Variants in PGCKA1 observed in about 807,000 individuals in gnomAD.
PGCKA1 encodes the protein PDCD10 and GCKIII kinases-associated protein 1.
the PGCKA1 span, among the ~76,000 whole-genome samples, chr4:37,561,992 G>A: frequency 5.9e-5 from 9 of 152,128 alleles, no homozygotes; most frequent in East Asian, 1.9e-4. Context: ...TAGACAACAC[G>A]TCAGCACTAT....
At chr4:37,575,413 T>C in the PGCKA1 span, among the ~76,000 whole-genome samples, 1 of 152,202 alleles carries the variant, frequency 6.6e-6, no homozygotes, top group Admixed American at 6.5e-5. Flanking sequence ...AAATATCTAT[T>C]CAGATATTTT....
chr4:37,533,019 T>C, the PGCKA1 span, among the ~76,000 whole-genome samples: 1 of 152,218 alleles, frequency 6.6e-6, no homozygotes, highest in South Asian at 2.1e-4. Context: ...CAGTGTGTAC[T>C]GCTTTGATGA....
chr4:37,466,812 T>C, the PGCKA1 span, among the ~76,000 whole-genome samples: 1 of 152,286 alleles, frequency 6.6e-6, no homozygotes, highest in Non-Finnish European at 1.5e-5. Flanking sequence ...ATATACAATA[T>C]GTAGGCCAAG....
the PGCKA1 span, among the ~76,000 whole-genome samples, chr4:37,585,662 C>T: frequency 2.6e-5 from 4 of 151,052 alleles, no homozygotes; most frequent in Admixed American, 6.6e-5. Context: ...AGGAGGTGCA[C>T]GTGCTTCTTC....
the PGCKA1 span, among the ~76,000 whole-genome samples, chr4:37,512,392 T>C: frequency 6.6e-6 from 1 of 150,790 alleles, no homozygotes; most frequent in Admixed American, 6.6e-5. Flanking sequence ...AAAAATCAAG[T>C]CCCCACATTT....
chr4:37,554,350 T>TTTA, the PGCKA1 span, among the ~76,000 whole-genome samples: 7,096 of 151,892 alleles, frequency 0.047, 163 homozygotes, highest in Middle Eastern at 0.068. Context: ...TTTAGAAATA[T>TTTA]TTATTTATTT....
At chr4:37,554,187 G>T in the PGCKA1 span, among the ~76,000 whole-genome samples, 2 of 152,118 alleles carry the variant, frequency 1.3e-5, no homozygotes, top group Non-Finnish European at 2.9e-5. Context: ...ATGTGCCTTT[G>T]CATCTGCTTC....
the PGCKA1 span, among the ~76,000 whole-genome samples, chr4:37,571,687 G>A: frequency 1.1e-4 from 16 of 151,972 alleles, no homozygotes; most frequent in Non-Finnish European, 1.8e-4. Context: ...ACAAATGCCC[G>A]CCACCACGCC....
chr4:37,567,061 C>CA, the PGCKA1 span, among the ~76,000 whole-genome samples: 362 of 149,210 alleles, frequency 2.4e-3, no homozygotes, highest in African/African-American at 6.6e-3. Flanking sequence ...ATCCAGCGGA[C>CA]AAAAAAAAAT....
the PGCKA1 span, among the ~76,000 whole-genome samples, chr4:37,486,958 A>G: frequency 6.6e-6 from 1 of 152,310 alleles, no homozygotes; most frequent in South Asian, 2.1e-4. Flanking sequence ...TTGTTAAACC[A>G]TAAGGAAAGC....
the PGCKA1 span, among the ~76,000 whole-genome samples, chr4:37,531,357 G>A: frequency 6.6e-6 from 1 of 152,160 alleles, no homozygotes; most frequent in African/African-American, 2.4e-5. Context: ...ATACCCTTTG[G>A]ACTGATTAAC....
chr4:37,517,306 TAA>T, the PGCKA1 span, among the ~76,000 whole-genome samples: 71 of 147,792 alleles, frequency 4.8e-4, no homozygotes, highest in East Asian at 0.012. Context: ...TAAATATATA[TAA>T]ATATATATAT....
chr4:37,542,040 A>C, the PGCKA1 span, among the ~76,000 whole-genome samples: 1 of 152,108 alleles, frequency 6.6e-6, no homozygotes. Context: ...CCCAAAACTC[A>C]GGTCTCAATC....
the PGCKA1 span, among the ~76,000 whole-genome samples, chr4:37,583,448 T>C: frequency 6.7e-6 from 1 of 148,888 alleles, no homozygotes; most frequent in Non-Finnish European, 1.5e-5. Flanking sequence ...TTTGTTTTTT[T>C]TTTTTTGAGA....
At chr4:37,511,652 A>G in the PGCKA1 span, among the ~76,000 whole-genome samples, 1 of 152,086 alleles carries the variant, frequency 6.6e-6, no homozygotes, top group Non-Finnish European at 1.5e-5. Context: ...GATGCAAGCT[A>G]TGCTGCCTGG....
the PGCKA1 span, among the ~76,000 whole-genome samples, chr4:37,498,007 G>C: frequency 2.6e-3 from 396 of 152,022 alleles, 3 homozygotes; most frequent in African/African-American, 9.2e-3. Context: ...ACAATGTCTA[G>C]AATATTATGT....
the PGCKA1 span, among the ~76,000 whole-genome samples, chr4:37,539,742 A>T: frequency 6.6e-6 from 1 of 152,180 alleles, no homozygotes; most frequent in Non-Finnish European, 1.5e-5. Context: ...TCCTCACTGG[A>T]ATTAATGGGG....
chr4:37,517,792 A>G, the PGCKA1 span, among the ~76,000 whole-genome samples: 8 of 152,222 alleles, frequency 5.3e-5, no homozygotes, highest in African/African-American at 1.9e-4. Flanking sequence ...TTGAAAATGT[A>G]CAACTAAGTT....
chr4:37,547,903 A>G, the PGCKA1 span, among the ~76,000 whole-genome samples: 5 of 152,054 alleles, frequency 3.3e-5, no homozygotes, highest in Non-Finnish European at 5.9e-5. Context: ...TTAACAGCGT[A>G]ACATGTATTA....
Sources: gnomAD v4.1 joint callset for allele counts (sites outside exome capture counted in the v4.1 genomes callset) on GRCh38, gnomAD v4.1.1 for gene constraint, MANE v1.5 for transcripts, NCBI Gene and HGNC (gene_info 2026-07-23, HGNC 2026-07-21) for gene names.